ARHGEF3: variants seen among roughly 807,000 people sequenced by gnomAD.
ARHGEF3 encodes 59.8 kDA protein.
In ARHGEF3, 28 loss-of-function variants were observed where a neutral mutation model predicts 63.2. The observed-to-expected ratio is 0.44, with a 90% CI of 0.33 to 0.61. The LOEUF is 0.61. Among genes scored for constraint, ARHGEF3 ranks in the 20% least tolerant of loss-of-function variants. The probability of loss-of-function intolerance (pLI) is 0.03; values close to 1 mark genes in which losing one functional copy is unlikely to be tolerated. For missense variants in ARHGEF3, 533 were observed against 659.3 expected, an observed-to-expected ratio of 0.81 and a Z score of 2.10; for synonymous variants, 266 against 254.2, an observed-to-expected ratio of 1.05 and a Z score of -0.44.
chr3:56,967,423 TTA>T (rs1491281562), intron 2 of ARHGEF3, among the ~76,000 whole-genome samples: 1 of 79,924 alleles, frequency 1.3e-5, no homozygotes, highest in Non-Finnish European at 2.1e-5. Context: ...ATTATACATA[TTA>T]TATATTATAT....
intron 3 of ARHGEF3, among the ~76,000 whole-genome samples, chr3:56,954,636 G>A (rs1189543971): frequency 6.6e-6 from 1 of 152,186 alleles, no homozygotes; most frequent in Non-Finnish European, 1.5e-5. Flanking sequence ...CCTTGCTCAG[G>A]AGGGTGGGAA....
chr3:56,739,147 T>C (rs1008621832), intron 7 of ARHGEF3, among the ~76,000 whole-genome samples: 2 of 152,074 alleles, frequency 1.3e-5, no homozygotes, highest in African/African-American at 4.8e-5. Context: ...ATGATTTCCT[T>C]AGCAGGATTC....
intron 8 of ARHGEF3, among the ~76,000 whole-genome samples, chr3:56,736,241 A>C (rs1472419681): frequency 2.0e-5 from 3 of 152,214 alleles, no homozygotes; most frequent in Admixed American, 6.5e-5. Context: ...AAGGTTGACA[A>C]ACCACCAAAA....
Position 56,745,342 on chromosome 3 carries a change from G to C in ARHGEF3, c.733C>G (p.Pro245Ala), listed in dbSNP as rs528700374. The C allele has an allele frequency of 6.2e-7, 1 of 1,614,012 alleles. No homozygotes were observed. The highest frequency in any genetic ancestry group is 1.1e-5 in the South Asian group (1 of 91,076). The change falls in exon 7 of 10, where the codon CCC (proline) becomes GCC (alanine). Residue 245 changes from proline to alanine, a missense_variant. Coordinates refer to ENST00000296315, the MANE Select transcript of ARHGEF3 (RefSeq NM_019555.3). ...CAGAGATCTAGTTTGCGGCTAAAGGGGGATTCTAAACATCGCTGTAGGAAA... is the reference window on the plus strand; with the variant it reads ...CAGAGATCTAGTTTGCGGCTAAAGGCGGATTCTAAACATCGCTGTAGGAAA... ...QDFLQRCLES[P>A]FSRKLDLWNF... is the part of the protein sequence containing the mutation.
intron 2 of ARHGEF3, chr3:56,959,026 G>A (rs1446350772): frequency 2.2e-6 from 2 of 891,166 alleles, no homozygotes; most frequent in African/African-American, 3.3e-5. Flanking sequence ...GTTTTCAACA[G>A]CTCTGCAATC....
intron 4 of ARHGEF3, among the ~76,000 whole-genome samples, chr3:56,809,643 T>C (rs2037992663): frequency 6.6e-6 from 1 of 152,188 alleles, no homozygotes; most frequent in South Asian, 2.1e-4. Flanking sequence ...TTGAATTTTC[T>C]GGAGAGTCTG....
Position 56,737,359 on chromosome 3 carries a change from T to C in ARHGEF3, c.871-4A>G. ...CAATTCCCTGAATGATATTTATCTA[T>C]GAAAACAAAGAGGAAAATTAAGTAT... On this transcript the variant is annotated splice_polypyrimidine_tract_variant and splice_region_variant and intron_variant, in intron 7 of 9. Transcript: ENST00000296315. 3 of 1,607,278 alleles carry C rather than the reference T, an allele frequency of 1.9e-6. No individual in the cohort carries two copies. The highest frequency in any genetic ancestry group is 1.1e-5 in the South Asian group (1 of 90,816).
intron 1 of ARHGEF3, among the ~76,000 whole-genome samples, 181 bp downstream of exon 1, chr3:56,801,522 A>G (rs1046647748): frequency 6.6e-6 from 1 of 152,242 alleles, no homozygotes; most frequent in Admixed American, 6.5e-5. Context: ...AGGGTGAGAG[A>G]TGGCGACGGG....
intron 2 of ARHGEF3, among the ~76,000 whole-genome samples, chr3:56,985,201 G>A (rs1300842486): frequency 2.6e-5 from 4 of 152,194 alleles, no homozygotes; most frequent in African/African-American, 4.8e-5. Context: ...TGATTCTCCT[G>A]CTTCAGCCTC....
intron 2 of ARHGEF3, among the ~76,000 whole-genome samples, chr3:56,974,354 T>C (rs1701039962): frequency 6.6e-6 from 1 of 152,204 alleles, no homozygotes; most frequent in Admixed American, 6.5e-5. Flanking sequence ...AAACTAAAAT[T>C]AATACTACTT....
intron 1 of ARHGEF3, among the ~76,000 whole-genome samples, chr3:56,799,788 C>A (rs1348456375): frequency 2.6e-5 from 4 of 152,144 alleles, no homozygotes; most frequent in Non-Finnish European, 4.4e-5. Flanking sequence ...AAGTGATATG[C>A]TCATCGATGA....
chr3:56,874,760 TCTC>T (rs1000243943), intron 4 of ARHGEF3, among the ~76,000 whole-genome samples: 8 of 152,198 alleles, frequency 5.3e-5, no homozygotes, highest in African/African-American at 1.9e-4. Context: ...AAAGCTTTCT[TCTC>T]CTCTCCTGTC....
At chr3:56,762,342 T>C (rs1474074225) in intron 2 of ARHGEF3, among the ~76,000 whole-genome samples, 2 of 152,134 alleles carry the variant, frequency 1.3e-5, no homozygotes, top group Non-Finnish European at 2.9e-5. Context: ...AGTCAAAAAC[T>C]GCAATCTCAT....
chr3:56,887,411 T>C (rs2040959850), intron 3 of ARHGEF3, among the ~76,000 whole-genome samples: 1 of 152,150 alleles, frequency 6.6e-6, no homozygotes, highest in African/African-American at 2.4e-5. Flanking sequence ...AGGAGGAGGC[T>C]GAGACTCTGG....
At position 56,751,289 on chromosome 3, in the gene ARHGEF3, C is replaced by A; in HGVS notation, c.535+11G>T. On this transcript the variant is annotated intron_variant, in intron 5 of 9. Coordinates refer to ENST00000296315, the MANE Select transcript of ARHGEF3 (RefSeq NM_019555.3). Reference sequence around the variant, plus strand: ...TACAAGTCACGACTCATCCTGGGAACAAAATTATACCTTCATGTAGAGGAA... The same window carrying A: ...TACAAGTCACGACTCATCCTGGGAAAAAAATTATACCTTCATGTAGAGGAA... The A allele has an allele frequency of 6.2e-7, 1 of 1,606,734 alleles. No individual in the cohort carries two copies. Among genetic ancestry groups the A allele is most frequent in the South Asian group, 1.1e-5 (1 of 90,868 alleles).
At chr3:56,985,708 C>G (rs1701507064) in intron 2 of ARHGEF3, among the ~76,000 whole-genome samples, 1 of 152,214 alleles carries the variant, frequency 6.6e-6, no homozygotes, top group African/African-American at 2.4e-5. Context: ...TGCGGCCTCG[C>G]CCCCTCGATC....
intron 2 of ARHGEF3, among the ~76,000 whole-genome samples, chr3:56,770,946 T>A (rs1231307325): frequency 2.6e-5 from 4 of 152,086 alleles, no homozygotes; most frequent in Non-Finnish European, 5.9e-5. Context: ...ACACCATCTC[T>A]ACTAAAAATA....
chr3:56,740,183 C>T lies in ARHGEF3; in HGVS notation c.871-2828G>A, dbSNP rs558009469. 1.3e-4 allele frequency among the ~76,000 whole-genome samples: 16 copies of T among 125,924 alleles called. No homozygotes were observed. In the South Asian group the frequency reaches 3.3e-3, roughly 26 times the overall value. 82.6% of individuals were successfully genotyped at this position (125,924 alleles called of 152,430 possible). Reference sequence around the variant, plus strand: ...TAAGTGCTGGGATTACAGGCATGAGCCACCATGCCTGGCCAAAAGTTTCAG... The same window carrying T: ...TAAGTGCTGGGATTACAGGCATGAGTCACCATGCCTGGCCAAAAGTTTCAG... On this transcript the variant is annotated intron_variant, in intron 7 of 9. Transcript: ENST00000296315.
At chr3:57,039,370 G>A (rs1286699169) in intron 1 of ARHGEF3, among the ~76,000 whole-genome samples, 2 of 152,118 alleles carry the variant, frequency 1.3e-5, no homozygotes, top group East Asian at 3.9e-4. Context: ...AACATAAATT[G>A]GTCCCACCAT....
Sources: allele counts gnomAD v4.1 joint callset (sites outside exome capture counted in the v4.1 genomes callset), GRCh38; gene constraint gnomAD v4.1.1; transcripts MANE v1.5; gene names NCBI Gene and HGNC (gene_info 2026-07-23, HGNC 2026-07-21).